The following SLC8A1 variants were observed in gnomAD, a reference collection of about 807,000 sequenced individuals.
The protein encoded by SLC8A1 is solute carrier family 8 member A1, also known as sodium/calcium exchanger 1.
In SLC8A1, 18 loss-of-function variants were observed where a neutral mutation model predicts 68.3. The ratio of observed to expected loss-of-function variants is 0.26; its 90% confidence interval spans 0.18 to 0.39. SLC8A1 has a LOEUF of 0.39. SLC8A1 is among the 10% of genes least tolerant of loss of function. The pLI, the probability that SLC8A1 is intolerant of heterozygous loss-of-function variation, is 1.00. For synonymous variants in SLC8A1, 475 were observed against 415.5 expected (o/e 1.14, Z -1.74); for missense variants, 985 against 1,156.7 (o/e 0.85, Z 2.15).
intron 2 of SLC8A1, among the ~76,000 whole-genome samples, chr2:40,374,949 A>G (rs1679324552): frequency 1.3e-5 from 2 of 152,118 alleles, no homozygotes; most frequent in African/African-American, 4.8e-5. Context: ...TTCCTTATTT[A>G]CCAAAGCTAG....
intron 2 of SLC8A1, among the ~76,000 whole-genome samples, chr2:40,238,122 G>C (rs1228365338): frequency 1.3e-5 from 2 of 152,242 alleles, no homozygotes; most frequent in Non-Finnish European, 2.9e-5. Flanking sequence ...TTGAGCTGTG[G>C]TGGACTCCAC....
chr2:40,486,492 T>C (rs1704975068), intron 1 of SLC8A1, among the ~76,000 whole-genome samples: 1 of 152,190 alleles, frequency 6.6e-6, no homozygotes, highest in African/African-American at 2.4e-5. Flanking sequence ...CATTAGGCAA[T>C]AAGATATATT....
At chr2:40,105,255 TC>T (rs1221031897) in exon 8 of SLC8A1, 1 of 152,206 alleles carries the variant, frequency 6.6e-6, no homozygotes, top group Non-Finnish European at 1.5e-5. Context: ...AGCTCTGCCC[TC>T]CTCTGTAACC....
chr2:40,316,699 C>T (rs1390812405), intron 2 of SLC8A1, among the ~76,000 whole-genome samples: 1 of 152,008 alleles, frequency 6.6e-6, no homozygotes, highest in Admixed American at 6.6e-5. Flanking sequence ...CTTCTCTGAG[C>T]TTATTTCCTA....
chr2:40,365,403 T>C (rs1359427667), intron 2 of SLC8A1, among the ~76,000 whole-genome samples: 2 of 152,160 alleles, frequency 1.3e-5, no homozygotes, highest in East Asian at 1.9e-4. Flanking sequence ...CAGTGATTTA[T>C]GTGTTTACAA....
At chr2:40,276,170 G>C (rs190725525) in intron 2 of SLC8A1, among the ~76,000 whole-genome samples, 1 of 152,306 alleles carries the variant, frequency 6.6e-6, no homozygotes, top group Non-Finnish European at 1.5e-5. Flanking sequence ...TGGAATTTGA[G>C]ATCTAATGAT....
intron 7 of SLC8A1, among the ~76,000 whole-genome samples, chr2:40,127,483 A>G (rs780981364): frequency 2.0e-5 from 3 of 152,196 alleles, no homozygotes; most frequent in Non-Finnish European, 4.4e-5. Flanking sequence ...CTGAAGGCTC[A>G]TCATACACAG....
intron 2 of SLC8A1, among the ~76,000 whole-genome samples, chr2:40,196,787 T>C (rs1383672156): frequency 1.3e-5 from 2 of 152,040 alleles, no homozygotes; most frequent in East Asian, 3.9e-4. Flanking sequence ...TCCATGACGC[T>C]TTCTTAGATT....
intron 2 of SLC8A1, among the ~76,000 whole-genome samples, chr2:40,238,377 G>A (rs1242781814): frequency 6.6e-6 from 1 of 152,190 alleles, no homozygotes; most frequent in Admixed American, 6.5e-5. Context: ...TCCAGGTGCT[G>A]TCCGTCACCC....
At chr2:40,213,661 T>C (rs1274314023) in intron 2 of SLC8A1, among the ~76,000 whole-genome samples, 4 of 152,188 alleles carry the variant, frequency 2.6e-5, no homozygotes, top group Non-Finnish European at 5.9e-5. Flanking sequence ...AGGACATTTT[T>C]TCCCCCGTCA....
At chr2:40,247,823 C>G (rs2062097242) in intron 2 of SLC8A1, among the ~76,000 whole-genome samples, 1 of 152,182 alleles carries the variant, frequency 6.6e-6, no homozygotes, top group Admixed American at 6.5e-5. Context: ...AGTTAAGTGA[C>G]TTTCTGAAAG....
At chr2:40,294,248 C>G (rs770149517) in intron 2 of SLC8A1, among the ~76,000 whole-genome samples, 3 of 152,016 alleles carry the variant, frequency 2.0e-5, no homozygotes, top group Non-Finnish European at 2.9e-5. Context: ...AACTTAATGT[C>G]CATCATTTGA....
At chr2:40,509,437 ATTTTTTTTTTTTT>A (rs367549288) in intron 1 of SLC8A1, among the ~76,000 whole-genome samples, 3 of 113,754 alleles carry the variant, frequency 2.6e-5, no homozygotes, top group African/African-American at 3.5e-5. Flanking sequence ...GGGATTTGGA[ATTTTTTTTTTTTT>A]TTTTTTTTTT....
rs1470125687 is a variant in SLC8A1, at chr2:40,306,183, G to A, written c.1808+122290C>T. ...ACCCAAATAAGAGGAAAACCAGTGA[G>A]CATCCACATTTATGAAATGGAAAGG... On this transcript the variant is annotated intron_variant, in intron 2 of 7. Coordinates refer to ENST00000406785, the Ensembl canonical transcript of SLC8A1. 6.6e-5 allele frequency among the ~76,000 whole-genome samples: 10 copies of A among 152,352 alleles called. No individual in the cohort carries two copies. The East Asian group carries it at 1.2e-3, about 18-fold the overall frequency.
intron 2 of SLC8A1, among the ~76,000 whole-genome samples, chr2:40,415,050 ACT>A (rs1401631519): frequency 6.6e-6 from 1 of 152,138 alleles, no homozygotes; most frequent in Non-Finnish European, 1.5e-5. Context: ...TAAGGACAGG[ACT>A]CTGAGGACTA....
In SLC8A1 at chr2:40,398,824, C is replaced by T. The variant is rs148531705; in HGVS notation, c.1808+29649G>A. Among the ~76,000 whole-genome samples, 17 of 152,254 alleles carry T rather than the reference C, an allele frequency of 1.1e-4. No homozygotes were observed. In the East Asian group the frequency reaches 2.5e-3, roughly 22 times the overall value. On this transcript the variant is annotated intron_variant, in intron 2 of 7. Transcript: ENST00000406785. Reference sequence around the variant, plus strand: ...GACAGTTACAGCTCTTCTTCAACTGCTACTACCCAGTTTGATTGATAAATG... The same window carrying T: ...GACAGTTACAGCTCTTCTTCAACTGTTACTACCCAGTTTGATTGATAAATG...
At chr2:40,248,218 T>C (rs1172773813) in intron 2 of SLC8A1, among the ~76,000 whole-genome samples, 1 of 152,200 alleles carries the variant, frequency 6.6e-6, no homozygotes, top group East Asian at 1.9e-4. Flanking sequence ...TGGGTCAGTT[T>C]TCTACAGTGA....
At chr2:40,440,476 C>G (rs1700259273) in intron 1 of SLC8A1, among the ~76,000 whole-genome samples, 1 of 152,048 alleles carries the variant, frequency 6.6e-6, no homozygotes, top group African/African-American at 2.4e-5. Context: ...GGAGAACATT[C>G]ATTCATTAAA....
At chr2:40,342,945 C>A (rs1028161524) in intron 2 of SLC8A1, among the ~76,000 whole-genome samples, 1 of 152,098 alleles carries the variant, frequency 6.6e-6, no homozygotes, top group Non-Finnish European at 1.5e-5. Context: ...AGGTCCCTCA[C>A]AGTGTACAAT....
Sources: allele counts gnomAD v4.1 joint callset (sites outside exome capture counted in the v4.1 genomes callset), GRCh38; gene constraint gnomAD v4.1.1; transcripts MANE v1.5; gene names NCBI Gene and HGNC (gene_info 2026-07-23, HGNC 2026-07-21).